The following GPR139 variants were observed in gnomAD, a reference collection of about 807,000 sequenced individuals.
The protein encoded by GPR139 is G protein-coupled receptor 139, also known as probable G protein-coupled receptor 139.
GPR139 carries 12 observed loss-of-function variants against 25.8 expected under a neutral mutation model. The ratio of observed to expected loss-of-function variants is 0.47; its 90% CI spans 0.30 to 0.75. The LOEUF (loss-of-function observed/expected upper bound fraction) is 0.75, where lower values mean the gene tolerates loss of function less well. Ranked by LOEUF, GPR139 falls within the 30% of genes least tolerant of loss-of-function variation. GPR139 has a pLI of 0.07. For missense variants in GPR139, 380 were observed against 450.2 expected (o/e 0.84, Z 1.41); for synonymous variants, 184 against 179.9 (o/e 1.02, Z -0.18).
chr16:20,045,325 C>T (rs763909702), intron 1 of GPR139, among the ~76,000 whole-genome samples: 19 of 152,146 alleles, frequency 1.2e-4, no homozygotes, highest in South Asian at 2.1e-4. Flanking sequence ...TATCCTCATA[C>T]GACATCATGA....
chr16:20,043,869 A>G (rs2057345019), intron 1 of GPR139, among the ~76,000 whole-genome samples: 1 of 152,182 alleles, frequency 6.6e-6, no homozygotes, highest in African/African-American at 2.4e-5. Flanking sequence ...TGAGCAGAGG[A>G]GTTACTAGAG....
At chr16:20,063,261 C>G (rs2125152) in intron 1 of GPR139, among the ~76,000 whole-genome samples, 29,298 of 152,182 alleles carry the variant, frequency 0.19, 3,350 homozygotes, top group East Asian at 0.28. Flanking sequence ...ATACAATGAC[C>G]ATACAAGAGT....
At chr16:20,039,123 C>G (rs546977128) in intron 1 of GPR139, among the ~76,000 whole-genome samples, 3 of 152,132 alleles carry the variant, frequency 2.0e-5, no homozygotes, top group Non-Finnish European at 4.4e-5. Context: ...AATAAAAAGC[C>G]CATGTTTTGT....
chr16:20,048,882 G>A (rs967856789), intron 1 of GPR139, among the ~76,000 whole-genome samples: 5 of 152,160 alleles, frequency 3.3e-5, no homozygotes, highest in Non-Finnish European at 7.3e-5. Flanking sequence ...TATTTTAGGA[G>A]CCATTGCCTG....
Position 20,032,047 on chromosome 16 carries a change from G to GT in GPR139, c.749dup (p.Tyr250Ter), listed in dbSNP as rs1567233885. Residue 250 changes from tyrosine (Y) to a stop codon, truncating the protein, a stop_gained and frameshift_variant, in exon 2 of 2, where the codon TAC becomes TAAC. Transcript: ENST00000570682. LOFTEE classifies it high-confidence loss of function. ...LWAPRIIMIL[Y>*]HLYGAPIQNR... ...TCTGGATGGGCGCCCCATAGAGGTG[G>GT]TAAAGAATCATGATGATGCGGGGGG... The GT allele has an allele frequency of 6.2e-7, 1 of 1,614,220 alleles. No individual in the cohort carries two copies.
Position 20,030,315 on chromosome 16 carries a change from G to T in GPR139, c.*1420C>A, listed in dbSNP as rs2057283104. Among the ~76,000 whole-genome samples the T allele has an allele frequency of 6.6e-6, 1 of 152,032 alleles. No homozygotes were observed. Among genetic ancestry groups the T allele is most frequent in the Admixed American group, 6.5e-5 (1 of 15,268 alleles). Reference sequence around the variant, plus strand: ...ACCAAAAATGTCATGCAATTTCAAAGTCAGTTTGGCAAATTTATTCCAAAA... The same window carrying T: ...ACCAAAAATGTCATGCAATTTCAAATTCAGTTTGGCAAATTTATTCCAAAA... On this transcript the variant is annotated 3_prime_UTR_variant, in exon 2 of 2. Coordinates refer to ENST00000570682, the MANE Select transcript of GPR139 (RefSeq NM_001002911.4).
At chr16:20,068,883 A>ATT in intron 1 of GPR139, among the ~76,000 whole-genome samples, 1 of 146,630 alleles carries the variant, frequency 6.8e-6, no homozygotes, top group African/African-American at 2.5e-5. Flanking sequence ...ATGCCTTAAA[A>ATT]TTTTTTTTTT....
chr16:20,069,122 C>A (rs563764082), intron 1 of GPR139, among the ~76,000 whole-genome samples: 3 of 152,186 alleles, frequency 2.0e-5, no homozygotes, highest in South Asian at 2.1e-4. Context: ...ATAAAGCTGG[C>A]GTCACAAAGT....
chr16:20,049,101 T>C (rs72772722), intron 1 of GPR139, among the ~76,000 whole-genome samples: 8 of 152,148 alleles, frequency 5.3e-5, no homozygotes, highest in African/African-American at 1.7e-4. Context: ...ACCCATTCAC[T>C]GGGAGCCCCT....
chr16:20,040,873 A>G (rs1474533338), intron 1 of GPR139, among the ~76,000 whole-genome samples: 1 of 152,146 alleles, frequency 6.6e-6, no homozygotes, highest in Non-Finnish European at 1.5e-5. Context: ...AGGGGTCTTA[A>G]GAATAGGAAA....
intron 1 of GPR139, among the ~76,000 whole-genome samples, chr16:20,066,295 TCTGA>T (rs1332973389): frequency 1.3e-5 from 2 of 152,244 alleles, no homozygotes; most frequent in African/African-American, 4.8e-5. Flanking sequence ...TGTTCATGAT[TCTGA>T]CTGCATTATC....
Position 20,031,852 on chromosome 16 carries a change from G to A in GPR139, c.945C>T (p.Thr315=). The A allele has an allele frequency of 6.2e-7, 1 of 1,614,224 alleles. No individual in the cohort carries two copies. The highest frequency in any genetic ancestry group is 8.5e-7 in the Non-Finnish European group (1 of 1,180,032). ...KCQKQPVQFY[T]NHNFSITSSP... is the part of the protein sequence containing the mutation. ...TACTTGTTATGGAAAAGTTATGATT[G>A]GTGTAGAACTGTACAGGTTGCTTCT... The change falls in exon 2 of 2, where the codon ACC becomes ACT. Residue 315 remains threonine, a synonymous_variant. Coordinates refer to ENST00000570682, the MANE Select transcript of GPR139 (RefSeq NM_001002911.4).
chr16:20,053,243 C>G (rs1197954640), intron 1 of GPR139, among the ~76,000 whole-genome samples: 1 of 152,110 alleles, frequency 6.6e-6, no homozygotes, highest in Non-Finnish European at 1.5e-5. Context: ...TCACTGACAC[C>G]CAAATCAGAT....
chr16:20,035,175 G>T (rs573359230), intron 1 of GPR139, among the ~76,000 whole-genome samples: 1 of 149,758 alleles, frequency 6.7e-6, no homozygotes, highest in Non-Finnish European at 1.5e-5. Context: ...AGTCTATACT[G>T]TTCTTGTTCT....
chr16:20,052,236 T>A (rs1053047902), intron 1 of GPR139, among the ~76,000 whole-genome samples: 1 of 152,212 alleles, frequency 6.6e-6, no homozygotes. Context: ...CAGCCACCAG[T>A]GATGATAGGT....
At chr16:20,035,324 G>C (rs916113868) in intron 1 of GPR139, among the ~76,000 whole-genome samples, 2 of 152,168 alleles carry the variant, frequency 1.3e-5, no homozygotes, top group Non-Finnish European at 2.9e-5. Flanking sequence ...TTCCCAGTGG[G>C]CTGGGGGTAC....
chr16:20,037,088 C>T (rs1357912452), intron 1 of GPR139, among the ~76,000 whole-genome samples: 1 of 152,008 alleles, frequency 6.6e-6, no homozygotes, highest in East Asian at 1.9e-4. Flanking sequence ...AGAATAACAC[C>T]AAGGGATGAG....
At chr16:20,044,197 C>T (rs2057346301) in intron 1 of GPR139, among the ~76,000 whole-genome samples, 1 of 152,148 alleles carries the variant, frequency 6.6e-6, no homozygotes, top group Admixed American at 6.5e-5. Context: ...GGCAAAGGCT[C>T]AATGAGAGGG....
In GPR139 at chr16:20,030,425, ATC is replaced by A. The variant is rs1007214238; in HGVS notation, c.*1308_*1309del. 1.0e-4 allele frequency among the ~76,000 whole-genome samples: 10 copies of A among 96,014 alleles called. No homozygotes were observed. The highest frequency in any genetic ancestry group is 3.1e-4 in the African/African-American group (10 of 32,638). The allele number at this position is 96,014 out of a possible 152,430, so 63.0% of individuals were successfully genotyped here. A position where few individuals can be genotyped will look rare whatever the true frequency, so the allele number is the denominator to read the frequency against. On this transcript the variant is annotated 3_prime_UTR_variant, in exon 2 of 2. Transcript: ENST00000570682. The stretch of plus-strand genomic sequence containing the variant: ...AGAAACACTAAATAAGACGAATATA[ATC>A]ATGTGTGTGTGTGTGCTGCACACAT...
Sources: allele counts gnomAD v4.1 joint callset (sites outside exome capture counted in the v4.1 genomes callset), GRCh38; gene constraint gnomAD v4.1.1; transcripts MANE v1.5; gene names NCBI Gene and HGNC (gene_info 2026-07-23, HGNC 2026-07-21).